PIAS2: variants seen among roughly 807,000 people sequenced by gnomAD.
The protein encoded by PIAS2 is protein inhibitor of activated STAT 2, also known as E3 SUMO-protein ligase PIAS2.
In PIAS2, 19 loss-of-function variants were observed where a neutral mutation model predicts 69.7. The observed-to-expected ratio is 0.27, with a 90% CI of 0.19 to 0.40. The LOEUF (loss-of-function observed/expected upper bound fraction) is 0.40. Ranked by LOEUF, PIAS2 falls within the 10% of genes least tolerant of loss-of-function variation. The pLI is 1.00. For missense variants in PIAS2, 624 were observed against 757.0 expected (o/e 0.82, Z 2.06); for synonymous variants, 261 against 263.2 (o/e 0.99, Z 0.08).
At position 46,893,542 on chromosome 18, in the gene PIAS2, T is replaced by C. The variant is rs183967943; in HGVS notation, c.25-2488A>G. On this transcript the variant is annotated intron_variant, in intron 1 of 13. Transcript: ENST00000585916. ...AACTGGCTCTATGGGCTGTTGTAAA[T>C]AGACAAACAAAAAGTAAGAAAGAGA... 12 of 646,128 alleles carry C rather than the reference T, an allele frequency of 1.9e-5. No individual in the cohort carries two copies. In the Admixed American group the frequency reaches 5.0e-4, roughly 27 times the overall value. The allele number at this position is 646,128 out of a possible 1,614,324, so 40.0% of individuals were successfully genotyped here.
chr18:46,817,682 AC>A, intron 12 of PIAS2: 1 of 957,944 alleles, frequency 1.0e-6, no homozygotes, highest in Non-Finnish European at 1.2e-6. Flanking sequence ...TAGATTGTTT[AC>A]CAAGCATTAC....
intron 2 of PIAS2, among the ~76,000 whole-genome samples, chr18:46,885,352 A>G (rs1738770858): frequency 1.3e-5 from 2 of 151,904 alleles, no homozygotes; most frequent in Non-Finnish European, 2.9e-5. Flanking sequence ...CCCCGTCTCT[A>G]TTAAAAATAC....
intron 1 of PIAS2, among the ~76,000 whole-genome samples, chr18:46,912,701 T>C (rs2146316472): frequency 6.6e-6 from 1 of 152,024 alleles, no homozygotes; most frequent in East Asian, 1.9e-4. Context: ...GTTGAAAAAA[T>C]ATAGAGAGAA....
intron 1 of PIAS2, among the ~76,000 whole-genome samples, chr18:46,914,512 TAGTC>T (rs1401912951): frequency 3.3e-5 from 5 of 151,828 alleles, no homozygotes; most frequent in Non-Finnish European, 7.4e-5. Flanking sequence ...AAAACTGAAA[TAGTC>T]AGGCGACCCC....
intron 2 of PIAS2, among the ~76,000 whole-genome samples, chr18:46,878,878 A>G (rs1476008625): frequency 1.3e-5 from 2 of 152,226 alleles, no homozygotes; most frequent in Admixed American, 6.5e-5. Context: ...ATAAAAAACA[A>G]AAACAAAAAC....
chr18:46,806,159 T>C lies in PIAS2; in HGVS notation c.*6274A>G, dbSNP rs1027656912. 2.0e-5 allele frequency: 3 copies of C among 152,066 alleles called. No individual in the cohort carries two copies. The highest frequency in any genetic ancestry group is 2.9e-5 in the Non-Finnish European group (2 of 68,012). 9.4% of individuals were successfully genotyped at this position (152,066 alleles called of 1,614,324 possible). On this transcript the variant is annotated 3_prime_UTR_variant, in exon 14 of 14. Coordinates refer to ENST00000585916, the MANE Select transcript of PIAS2 (RefSeq NM_004671.5). ...TCCTAGATAGCACAGCTAATTAACG[T>C]CACTTCAGTTTACGCAGAGAGCTTT...
chr18:46,916,182 G>A (rs74743187), intron 1 of PIAS2, among the ~76,000 whole-genome samples: 2,926 of 152,254 alleles, frequency 0.019, 33 homozygotes, highest in Non-Finnish European at 0.027. Flanking sequence ...TCCGTTTAGA[G>A]CAGAGGATAC....
intron 13 of PIAS2, 139 bp from the exon 14 acceptor site, chr18:46,812,751 CAT>C (rs1458800735): frequency 7.2e-6 from 4 of 553,882 alleles, no homozygotes; most frequent in Non-Finnish European, 1.3e-5. Flanking sequence ...CAAAACTTCA[CAT>C]CTTTGGGTGG....
At chr18:46,920,110 A>G (rs567170832), upstream of PIAS2, 240 of 1,289,032 alleles carry the variant, frequency 1.9e-4, no homozygotes, top group Non-Finnish European at 2.3e-4. Context: ...CCCTTCCTCA[A>G]TGTGTAGCAG....
intron 8 of PIAS2, 115 bp from the exon 9 acceptor site, chr18:46,836,632 T>G (rs932372490): frequency 1.5e-6 from 1 of 689,464 alleles, no homozygotes; most frequent in East Asian, 2.6e-5. Context: ...AAAAATGAAA[T>G]AGAAATCCAA....
chr18:46,808,769 A>G lies in PIAS2; in HGVS notation c.*3664T>C, dbSNP rs1041350059. On this transcript the variant is annotated 3_prime_UTR_variant, in exon 14 of 14. Transcript: ENST00000585916. ...TGAAAATGAAGAAAATCTTTCAGGA[A>G]AAATTAAGAAAATAAAAATGTTTAC... 3 of 152,158 alleles carry G rather than the reference A, an allele frequency of 2.0e-5. No homozygotes were observed. Among genetic ancestry groups the G allele is most frequent in the African/African-American group, 7.2e-5 (3 of 41,436 alleles). 9.4% of individuals were successfully genotyped at this position (152,158 alleles called of 1,614,324 possible).
At chr18:46,905,295 C>T (rs922444383) in intron 1 of PIAS2, among the ~76,000 whole-genome samples, 15 of 152,000 alleles carry the variant, frequency 9.9e-5, no homozygotes, top group Non-Finnish European at 1.3e-4. Context: ...GAATTCACAA[C>T]GGAAAATAGA....
intron 10 of PIAS2, among the ~76,000 whole-genome samples, chr18:46,828,895 C>G (rs2043187581): frequency 6.6e-6 from 1 of 152,152 alleles, no homozygotes; most frequent in Admixed American, 6.5e-5. Context: ...CTAAATCACT[C>G]CCCATTTTTC....
chr18:46,903,861 A>G (rs1178731145), intron 1 of PIAS2, among the ~76,000 whole-genome samples: 1 of 152,246 alleles, frequency 6.6e-6, no homozygotes, highest in Non-Finnish European at 1.5e-5. Flanking sequence ...TAGTGAATTC[A>G]TATCGTGGAA....
chr18:46,900,384 T>C (rs184807451), intron 1 of PIAS2, among the ~76,000 whole-genome samples: 100 of 149,664 alleles, frequency 6.7e-4, no homozygotes, highest in African/African-American at 2.0e-3. Context: ...AAAGATAATA[T>C]AGGCAAGGAA....
rs973501524 is a variant in PIAS2, at chr18:46,805,577, T to C, written c.*6856A>G. ...ACAGCAACCACTGTATCTTGAGATA[T>C]GTAGAATGTGAACACAGCCCACGCT... On this transcript the variant is annotated 3_prime_UTR_variant, in exon 14 of 14. Coordinates refer to ENST00000585916, the MANE Select transcript of PIAS2 (RefSeq NM_004671.5). The C allele has an allele frequency of 2.0e-5, 3 of 152,162 alleles. No homozygotes were observed. Among genetic ancestry groups the C allele is most frequent in the African/African-American group, 7.2e-5 (3 of 41,424 alleles). The allele number at this position is 152,162 out of a possible 1,614,324, so 9.4% of individuals were successfully genotyped here. A position where few individuals can be genotyped will look rare whatever the true frequency, so the allele number is the denominator to read the frequency against.
chr18:46,897,672 T>C (rs370155043), intron 1 of PIAS2, among the ~76,000 whole-genome samples: 1 of 152,182 alleles, frequency 6.6e-6, no homozygotes, highest in East Asian at 1.9e-4. Flanking sequence ...TAAAATTCTA[T>C]TCATTCCTGA....
At position 46,844,722 on chromosome 18, in the gene PIAS2, A is replaced by C. The variant is rs1203987564; in HGVS notation, c.967+12T>G. ...TTTTTTTAAATGCTTGGTCTTATTA[A>C]ACATTACTTACTTAGTGCTCTGGAA... On this transcript the variant is annotated intron_variant, in intron 7 of 13. Transcript: ENST00000585916. 1 of 1,070,832 alleles carries C rather than the reference A, an allele frequency of 9.3e-7. No homozygotes were observed. The highest frequency in any genetic ancestry group is 1.3e-6 in the Non-Finnish European group (1 of 770,854). The allele number at this position is 1,070,832 out of a possible 1,614,324, so 66.3% of individuals were successfully genotyped here. A position where few individuals can be genotyped will look rare whatever the true frequency, so the allele number is the denominator to read the frequency against.
chr18:46,840,864 A>G (rs1234562827), intron 8 of PIAS2, among the ~76,000 whole-genome samples: 2 of 152,138 alleles, frequency 1.3e-5, no homozygotes, highest in Non-Finnish European at 2.9e-5. Flanking sequence ...TTAAGCTGGC[A>G]TTATCCAAAT....
Sources: gnomAD v4.1 joint callset for allele counts (sites outside exome capture counted in the v4.1 genomes callset) on GRCh38, gnomAD v4.1.1 for gene constraint, MANE v1.5 for transcripts, NCBI Gene and HGNC (gene_info 2026-07-23, HGNC 2026-07-21) for gene names.